COL24A1: variants seen among roughly 807,000 people sequenced by gnomAD.
The protein encoded by COL24A1 is collagen alpha-1(XXIV) chain.
In COL24A1, 224 loss-of-function variants were observed where a neutral mutation model predicts 253.9. The observed-to-expected ratio is 0.88, with a 90% confidence interval of 0.79 to 0.99. The LOEUF is 0.99. Among genes scored for constraint, COL24A1 ranks in the 50% least tolerant of loss-of-function variants. The pLI is 0.00. For missense variants in COL24A1, 2,131 were observed against 2,068.5 expected, an observed-to-expected ratio of 1.03 and a Z score of -0.59; for synonymous variants, 685 against 673.7, an observed-to-expected ratio of 1.02 and a Z score of -0.26.
chr1:85,890,807 A>T (rs2102749972), intron 31 of COL24A1, among the ~76,000 whole-genome samples: 1 of 152,300 alleles, frequency 6.6e-6, no homozygotes, highest in African/African-American at 2.4e-5. Context: ...GGCAAGGCAC[A>T]GGAGTCTTGG....
chr1:86,031,783 C>T (rs1271336247), intron 14 of COL24A1, 95 bp downstream of exon 14: 1 of 924,816 alleles, frequency 1.1e-6, no homozygotes, highest in Non-Finnish European at 1.6e-6. Context: ...GACAGTAAAA[C>T]CTCTCATTTC....
chr1:86,075,662 G>T, intron 7 of COL24A1, among the ~76,000 whole-genome samples: 1 of 152,120 alleles, frequency 6.6e-6, no homozygotes, highest in East Asian at 1.9e-4. Flanking sequence ...CTTGCAAACT[G>T]AATCCAGCAG....
At position 86,115,305 on chromosome 1, in the gene COL24A1, A is replaced by T. The variant is rs1557683501; in HGVS notation, c.1545+20T>A. ...TTACAAATTCTCACTGCCAGCAGGA[A>T]ATATAGCCCATCTACTTACCCGTGG... On this transcript the variant is annotated intron_variant, in intron 4 of 59. Coordinates refer to ENST00000370571, the MANE Select transcript of COL24A1 (RefSeq NM_152890.7). 3 of 1,612,198 alleles carry T rather than the reference A, an allele frequency of 1.9e-6. No homozygotes were observed. Among genetic ancestry groups the T allele is most frequent in the Non-Finnish European group, 2.5e-6 (3 of 1,178,470 alleles).
chr1:85,982,413 G>T (rs915228237), intron 20 of COL24A1, among the ~76,000 whole-genome samples: 19 of 151,724 alleles, frequency 1.3e-4, no homozygotes, highest in Admixed American at 6.6e-5. Flanking sequence ...TACTAAGGGG[G>T]TGTATTTCAT....
intron 2 of COL24A1, among the ~76,000 whole-genome samples, chr1:86,131,607 C>A (rs968525540): frequency 2.7e-5 from 4 of 149,324 alleles, no homozygotes; most frequent in Non-Finnish European, 5.9e-5. Flanking sequence ...TGAGAACATG[C>A]AGTGTTTGGT....
At chr1:86,084,054 C>A (rs868109633) in intron 7 of COL24A1, among the ~76,000 whole-genome samples, 2 of 152,106 alleles carry the variant, frequency 1.3e-5, no homozygotes, top group Non-Finnish European at 2.9e-5. Flanking sequence ...TTACAGGACT[C>A]ATGTCACCAA....
intron 7 of COL24A1, among the ~76,000 whole-genome samples, chr1:86,071,759 A>C (rs1247248189): frequency 2.0e-5 from 3 of 152,192 alleles, no homozygotes; most frequent in African/African-American, 7.2e-5. Context: ...CTGGAGCTAA[A>C]GAGAGAGATA....
rs1362933088 is a variant in COL24A1, at chr1:86,122,181, C to G, written c.1491+2664G>C. On this transcript the variant is annotated intron_variant, in intron 3 of 59. Coordinates refer to ENST00000370571, the MANE Select transcript of COL24A1 (RefSeq NM_152890.7). The stretch of plus-strand genomic sequence containing the variant: ...AATATCCAATAGATTATCGCTTTTT[C>G]TCAGTTCTCATTCTCTTTGACTTCT... Among the ~76,000 whole-genome samples, 3 of 71,072 alleles carry G rather than the reference C, an allele frequency of 4.2e-5. No homozygotes were observed. In the East Asian group the frequency reaches 9.7e-4, roughly 23 times the overall value. The allele number at this position is 71,072 out of a possible 152,430, so 46.6% of individuals were successfully genotyped here. A position where few individuals can be genotyped will look rare whatever the true frequency, so the allele number is the denominator to read the frequency against.
intron 12 of COL24A1, among the ~76,000 whole-genome samples, chr1:86,042,074 G>A (rs1398557176): frequency 3.3e-5 from 5 of 152,078 alleles, no homozygotes; most frequent in Admixed American, 2.6e-4. Flanking sequence ...GAAGAAGTCA[G>A]AACTACACCT....
Position 85,851,383 on chromosome 1 carries a change from C to T in COL24A1, c.3301-1977G>A, listed in dbSNP as rs371455962. Among the ~76,000 whole-genome samples the T allele has an allele frequency of 5.9e-4, 90 of 152,104 alleles. 1 individual carries two copies. In the South Asian group the frequency reaches 0.016, roughly 27 times the overall value. On this transcript the variant is annotated intron_variant, in intron 37 of 59. Coordinates refer to ENST00000370571, the MANE Select transcript of COL24A1 (RefSeq NM_152890.7). ...TTAATGTTTTGGTGGCTTTCTTTTG[C>T]TATTACAGACAATGCTGGAATAAAC...
intron 24 of COL24A1, among the ~76,000 whole-genome samples, chr1:85,957,796 C>G (rs1013958578): frequency 6.6e-6 from 1 of 152,182 alleles, no homozygotes; most frequent in South Asian, 2.1e-4. Context: ...AAACCTCAAA[C>G]TAAATCATAA....
rs1680947853 is a variant in COL24A1, at chr1:85,874,808, G to T, written c.3085-106C>A. Reference sequence around the variant, plus strand: ...GTTCCCCAACGCCTGGGCCGTAGAGGGTACCTGTCCAAGGCCTGTTAGGAA... The same window carrying T: ...GTTCCCCAACGCCTGGGCCGTAGAGTGTACCTGTCCAAGGCCTGTTAGGAA... On this transcript the variant is annotated intron_variant, in intron 34 of 59. Transcript: ENST00000370571. 6 of 1,233,208 alleles carry T rather than the reference G, an allele frequency of 4.9e-6. No homozygotes were observed. In the Admixed American group the frequency reaches 8.7e-5, roughly 18 times the overall value. The allele number at this position is 1,233,208 out of a possible 1,614,324, so 76.4% of individuals were successfully genotyped here. A position where few individuals can be genotyped will look rare whatever the true frequency, so the allele number is the denominator to read the frequency against.
At chr1:86,086,668 A>C (rs540136972) in intron 7 of COL24A1, among the ~76,000 whole-genome samples, 1 of 152,216 alleles carries the variant, frequency 6.6e-6, no homozygotes, top group Non-Finnish European at 1.5e-5. Context: ...AACACATCAA[A>C]CATGAAAAAG....
At chr1:85,878,240 A>C (rs1444038088) in intron 32 of COL24A1, among the ~76,000 whole-genome samples, 1 of 152,212 alleles carries the variant, frequency 6.6e-6, no homozygotes, top group African/African-American at 2.4e-5. Context: ...GTCCAAGATC[A>C]AGGTGCTGGC....
chr1:85,736,421 A>G, intron 58 of COL24A1: 1 of 456,270 alleles, frequency 2.2e-6, no homozygotes, highest in Middle Eastern at 3.3e-4. Flanking sequence ...ATCCTATGCC[A>G]ACTTCCACTG....
intron 21 of COL24A1, 49 bp from the exon 22 acceptor site, chr1:85,970,320 T>TA (rs1160464527): frequency 6.9e-7 from 1 of 1,455,232 alleles, no homozygotes; most frequent in Admixed American, 2.2e-5. Flanking sequence ...AATGAGTATT[T>TA]AAAAATGTAA....
chr1:86,134,517 TGA>T (rs1649891174), intron 2 of COL24A1, among the ~76,000 whole-genome samples: 1 of 145,026 alleles, frequency 6.9e-6, no homozygotes, highest in Non-Finnish European at 1.5e-5. Context: ...CACACTGCTT[TGA>T]ATGTGTCCCA....
intron 47 of COL24A1, among the ~76,000 whole-genome samples, chr1:85,800,421 C>T (rs1026127744): frequency 6.6e-6 from 1 of 152,156 alleles, no homozygotes; most frequent in South Asian, 2.1e-4. Flanking sequence ...TACTAAAATA[C>T]ATGAACATAA....
chr1:86,142,693 T>C (rs892654955), intron 2 of COL24A1, among the ~76,000 whole-genome samples: 3 of 151,716 alleles, frequency 2.0e-5, no homozygotes, highest in Non-Finnish European at 4.4e-5. Flanking sequence ...AGCCCAATAC[T>C]GAAGATTTAA....
Sources: gnomAD v4.1 joint callset for allele counts (sites outside exome capture counted in the v4.1 genomes callset) on GRCh38, gnomAD v4.1.1 for gene constraint, MANE v1.5 for transcripts, NCBI Gene and HGNC (gene_info 2026-07-23, HGNC 2026-07-21) for gene names.